Variants in TMEM244 observed in about 807,000 individuals in gnomAD.
TMEM244 encodes the protein transmembrane protein 244, also known as putative transmembrane protein 244.
TMEM244 carries 13 observed loss-of-function variants against 15.8 expected under a neutral mutation model. That is an observed-to-expected ratio of 0.82 (90% CI 0.53 to 1.30). The LOEUF (loss-of-function observed/expected upper bound fraction) is 1.30. TMEM244 is among the 50% of genes most tolerant of loss of function. TMEM244 has a pLI of 0.00. For synonymous variants in TMEM244, 45 were observed against 48.7 expected (o/e 0.92, Z 0.32); for missense variants, 161 against 144.9 (o/e 1.11, Z -0.57).
At chr6:129,840,606 G>T (rs1220294960) in intron 3 of TMEM244, among the ~76,000 whole-genome samples, 1 of 152,180 alleles carries the variant, frequency 6.6e-6, no homozygotes, top group Non-Finnish European at 1.5e-5. Context: ...AAGAGCTTCT[G>T]CACAGCAAAA....
chr6:129,833,398 G>A, intron 4 of TMEM244, 62 bp downstream of exon 4: 2 of 1,543,126 alleles, frequency 1.3e-6, no homozygotes, highest in Non-Finnish European at 1.8e-6. Flanking sequence ...CTCAGGAAGT[G>A]GTTTATGTCC....
intron 1 of TMEM244, among the ~76,000 whole-genome samples, chr6:129,860,335 A>G (rs537514599): frequency 6.6e-6 from 1 of 152,314 alleles, no homozygotes; most frequent in South Asian, 2.1e-4. Context: ...AGCTTTTTAA[A>G]AATATTTTTC....
chr6:129,842,664 T>G (rs1227887133), intron 3 of TMEM244, among the ~76,000 whole-genome samples: 2 of 151,998 alleles, frequency 1.3e-5, no homozygotes, highest in Non-Finnish European at 2.9e-5. Flanking sequence ...AACAAAATAT[T>G]AAGAGTAATT....
At chr6:129,851,456 G>T (rs1776637176) in intron 1 of TMEM244, among the ~76,000 whole-genome samples, 1 of 152,082 alleles carries the variant, frequency 6.6e-6, no homozygotes, top group Non-Finnish European at 1.5e-5. Flanking sequence ...TTTTAGTAGA[G>T]ACGGGGTTTC....
rs1480093312 is a variant in TMEM244 at position 129,845,843 on chromosome 6, G to A, written c.43C>T (p.Gln15Ter). ...VRVAPSKVVL[Q>*]KFLLCVILFY... ...AGAATGACACATAGAAGAAACTTCT[G>A]CAAAACAACCTGTGGAGAAAACAGG... Residue 15 changes from glutamine to a stop codon, truncating the protein, a stop_gained, in exon 2 of 5, where the codon CAG becomes TAG. Transcript: ENST00000368143. LOFTEE classifies it high-confidence loss of function. 2 of 1,612,148 alleles carry A rather than the reference G, an allele frequency of 1.2e-6. No individual in the cohort carries two copies. Among genetic ancestry groups the A allele is most frequent in the African/African-American group, 1.3e-5 (1 of 74,856 alleles).
intron 2 of TMEM244, 67 bp downstream of exon 2, chr6:129,845,700 A>C: frequency 8.7e-7 from 1 of 1,144,644 alleles, no homozygotes; most frequent in East Asian, 2.4e-5. Context: ...ATGAAATGTT[A>C]AATATAAACA....
intron 3 of TMEM244, among the ~76,000 whole-genome samples, chr6:129,838,241 G>T (rs1022469178): frequency 6.6e-6 from 1 of 152,060 alleles, no homozygotes; most frequent in African/African-American, 2.4e-5. Flanking sequence ...TGATCTCTCA[G>T]ATCACAGTGC....
chr6:129,858,105 T>C (rs922256212), intron 1 of TMEM244, among the ~76,000 whole-genome samples: 1 of 152,110 alleles, frequency 6.6e-6, no homozygotes, highest in Non-Finnish European at 1.5e-5. Flanking sequence ...TTTATTTTTA[T>C]GACGAGTTCT....
chr6:129,855,478 A>G (rs1378344462), intron 1 of TMEM244, among the ~76,000 whole-genome samples: 3 of 152,296 alleles, frequency 2.0e-5, no homozygotes, highest in South Asian at 4.1e-4. Context: ...GAACAACGAC[A>G]TTCTCCTATA....
rs1325574286 is a variant in TMEM244 at position 129,831,315 on chromosome 6, G to A, written c.*4C>T. On this transcript the variant is annotated 3_prime_UTR_variant, in exon 5 of 5. Transcript: ENST00000368143. ...TTTAACATTATTTCTGTGCATTAGA[G>A]AATCTAAACAAGCAATTTTGATATA... is the stretch of plus-strand genomic sequence containing the variant. 6.6e-7 allele frequency: 1 copy of A among 1,505,688 alleles called. No individual in the cohort carries two copies. The highest frequency in any genetic ancestry group is 1.7e-5 in the Admixed American group (1 of 59,020). The allele number at this position is 1,505,688 out of a possible 1,614,324, so 93.3% of individuals were successfully genotyped here.
At chr6:129,842,880 A>G (rs1776511051) in intron 3 of TMEM244, among the ~76,000 whole-genome samples, 1 of 151,450 alleles carries the variant, frequency 6.6e-6, no homozygotes, top group Non-Finnish European at 1.5e-5. Context: ...GAAGGTTTAC[A>G]AACATACTAG....
At chr6:129,848,434 C>T (rs536014888) in intron 1 of TMEM244, among the ~76,000 whole-genome samples, 77 of 152,224 alleles carry the variant, frequency 5.1e-4, no homozygotes, top group South Asian at 3.5e-3. Context: ...ACTGCGCTTC[C>T]GGGGACAGGC....
chr6:129,857,790 G>A (rs1776736095), intron 1 of TMEM244, among the ~76,000 whole-genome samples: 1 of 150,368 alleles, frequency 6.7e-6, no homozygotes, highest in South Asian at 2.1e-4. Context: ...GTGTGTATGT[G>A]TGGTTTTTTA....
intron 1 of TMEM244, among the ~76,000 whole-genome samples, chr6:129,853,877 C>T (rs1299945878): frequency 7.9e-5 from 12 of 152,070 alleles, no homozygotes; most frequent in Non-Finnish European, 2.9e-5. Flanking sequence ...CAGTGTAACT[C>T]ACTTAACTAA....
intron 3 of TMEM244, among the ~76,000 whole-genome samples, chr6:129,835,767 C>T (rs564720353): frequency 3.3e-5 from 5 of 152,196 alleles, no homozygotes; most frequent in African/African-American, 4.8e-5. Flanking sequence ...ATGCCTGGTT[C>T]GGCAGGTCCC....
chr6:129,833,128 G>A (rs1283359902), intron 4 of TMEM244, among the ~76,000 whole-genome samples: 1 of 152,116 alleles, frequency 6.6e-6, no homozygotes, highest in Non-Finnish European at 1.5e-5. Flanking sequence ...TATTAGTTTT[G>A]AAAATTGTGC....
At chr6:129,851,409 C>T (rs1042819705) in intron 1 of TMEM244, among the ~76,000 whole-genome samples, 4 of 152,168 alleles carry the variant, frequency 2.6e-5, no homozygotes, top group African/African-American at 9.7e-5. Context: ...GCTGGGGTTA[C>T]AGGTGTCTGC....
intron 1 of TMEM244, among the ~76,000 whole-genome samples, chr6:129,850,489 C>G (rs1214056103): frequency 6.6e-6 from 1 of 152,138 alleles, no homozygotes; most frequent in Non-Finnish European, 1.5e-5. Flanking sequence ...AAACTGTTGA[C>G]TCTATCTCCC....
chr6:129,857,411 A>C (rs1262026044), intron 1 of TMEM244, among the ~76,000 whole-genome samples: 1 of 151,862 alleles, frequency 6.6e-6, no homozygotes, highest in East Asian at 1.9e-4. Flanking sequence ...ACTGGAGTGC[A>C]ATGGTGAGAT....
Sources: gnomAD v4.1 joint callset for allele counts (sites outside exome capture counted in the v4.1 genomes callset) on GRCh38, gnomAD v4.1.1 for gene constraint, MANE v1.5 for transcripts, NCBI Gene and HGNC (gene_info 2026-07-23, HGNC 2026-07-21) for gene names.